DAB1: variants seen among roughly 807,000 people sequenced by gnomAD.
The protein encoded by DAB1 is disabled homolog 1.
DAB1 carries 15 observed loss-of-function variants against 64.6 expected under a neutral mutation model. That is an observed-to-expected ratio of 0.23 (90% CI 0.16 to 0.36). The LOEUF (loss-of-function observed/expected upper bound fraction) is 0.36. DAB1 is among the 10% of genes least tolerant of loss of function. DAB1 has a pLI of 1.00. For missense variants in DAB1, 596 were observed against 706.7 expected, an observed-to-expected ratio of 0.84 and a Z score of 1.78; for synonymous variants, 235 against 251.9, an observed-to-expected ratio of 0.93 and a Z score of 0.64.
At chr1:57,869,323 TG>T (rs1654436511) in intron 1 of DAB1, among the ~76,000 whole-genome samples, 1 of 152,120 alleles carries the variant, frequency 6.6e-6, no homozygotes, top group South Asian at 2.1e-4. Flanking sequence ...CACTTTGGAA[TG>T]GAAGTTTCCT....
chr1:57,257,415 T>G (rs535266303), intron 2 of DAB1, among the ~76,000 whole-genome samples: 1 of 152,212 alleles, frequency 6.6e-6, no homozygotes, highest in Non-Finnish European at 1.5e-5. Flanking sequence ...TTTGTAAGTA[T>G]CTATGGTGGA....
chr1:58,473,324 C>T (rs338233), intron 3 of DAB1, among the ~76,000 whole-genome samples: 151,055 of 151,580 alleles, frequency 1, 75,273 homozygotes, highest in Middle Eastern at 1. Flanking sequence ...GGGTGGATCA[C>T]GAGGTCAGGA....
chr1:58,246,047 G>A (rs1660512989), intron 4 of DAB1, among the ~76,000 whole-genome samples: 1 of 152,124 alleles, frequency 6.6e-6, no homozygotes, highest in Admixed American at 6.5e-5. Context: ...TAGGTGGGGT[G>A]GGGGAAGGGG....
intron 4 of DAB1, among the ~76,000 whole-genome samples, chr1:57,122,333 T>C (rs957152388): frequency 6.6e-6 from 1 of 152,188 alleles, no homozygotes; most frequent in Non-Finnish European, 1.5e-5. Flanking sequence ...TTTTTACAGA[T>C]GAGAGTGTCA....
At chr1:57,227,278 T>C (rs1330928914) in intron 2 of DAB1, among the ~76,000 whole-genome samples, 2 of 152,170 alleles carry the variant, frequency 1.3e-5, no homozygotes, top group Non-Finnish European at 2.9e-5. Flanking sequence ...CATGAATTCA[T>C]TCAACAAATA....
intron 2 of DAB1, among the ~76,000 whole-genome samples, chr1:57,176,322 T>C (rs1439950423): frequency 1.3e-5 from 2 of 152,150 alleles, no homozygotes; most frequent in Non-Finnish European, 2.9e-5. Context: ...ACAGTCATGA[T>C]GGAAGGTGGA....
intron 9 of DAB1, among the ~76,000 whole-genome samples, chr1:57,030,044 CA>C (rs1469897372): frequency 5.3e-5 from 8 of 152,148 alleles, no homozygotes; most frequent in Non-Finnish European, 8.8e-5. Flanking sequence ...ACCCAAATCT[CA>C]ACTTGAATTT....
At chr1:57,736,423 G>A (rs1012644268) in intron 6 of DAB1, among the ~76,000 whole-genome samples, 4 of 152,138 alleles carry the variant, frequency 2.6e-5, no homozygotes, top group East Asian at 3.9e-4. Context: ...AGGAGACACC[G>A]AATGTTCATA....
At chr1:58,051,190 C>T (rs1441862719) in intron 5 of DAB1, among the ~76,000 whole-genome samples, 1 of 151,960 alleles carries the variant, frequency 6.6e-6, no homozygotes, top group African/African-American at 2.4e-5. Flanking sequence ...TAATGCTATT[C>T]CTCCCCCAGC....
At chr1:58,093,967 T>G (rs1650835939) in intron 5 of DAB1, among the ~76,000 whole-genome samples, 1 of 152,152 alleles carries the variant, frequency 6.6e-6, no homozygotes, top group African/African-American at 2.4e-5. Context: ...TCCAGGCTCC[T>G]GCATTATTAG....
At chr1:57,110,428 T>C (rs1655552596) in intron 4 of DAB1, among the ~76,000 whole-genome samples, 1 of 152,224 alleles carries the variant, frequency 6.6e-6, no homozygotes, top group Non-Finnish European at 1.5e-5. Context: ...CTCTTTAACA[T>C]CTGTTGGCCT....
chr1:57,502,886 AC>A (rs1379773663), intron 7 of DAB1, among the ~76,000 whole-genome samples: 1 of 152,214 alleles, frequency 6.6e-6, no homozygotes, highest in African/African-American at 2.4e-5. Context: ...AAAAAATAAA[AC>A]CCTGGAAATT....
intron 4 of DAB1, among the ~76,000 whole-genome samples, chr1:57,122,642 G>C (rs920417789): frequency 1.3e-5 from 2 of 152,112 alleles, no homozygotes; most frequent in Non-Finnish European, 2.9e-5. Context: ...GAGCTATCCT[G>C]AAAGAGGCTA....
At chr1:57,028,487 A>G (rs1646862690) in intron 9 of DAB1, among the ~76,000 whole-genome samples, 1 of 152,236 alleles carries the variant, frequency 6.6e-6, no homozygotes, top group Non-Finnish European at 1.5e-5. Context: ...ATACCCAAAA[A>G]TGTGGAAGCA....
At chr1:57,489,866 T>A (rs1408627163) in intron 7 of DAB1, among the ~76,000 whole-genome samples, 1 of 152,200 alleles carries the variant, frequency 6.6e-6, no homozygotes, top group East Asian at 1.9e-4. Flanking sequence ...AATGCTAATG[T>A]CTGAATGTTT....
intron 5 of DAB1, among the ~76,000 whole-genome samples, chr1:58,038,384 T>C (rs1647079819): frequency 6.6e-6 from 1 of 151,610 alleles, no homozygotes; most frequent in Non-Finnish European, 1.5e-5. Context: ...AACGTACAGA[T>C]CACCTTGTTA....
intron 5 of DAB1, among the ~76,000 whole-genome samples, chr1:58,053,310 A>G (rs1647821092): frequency 6.6e-6 from 1 of 152,160 alleles, no homozygotes; most frequent in African/African-American, 2.4e-5. Flanking sequence ...TGATGTCTGG[A>G]AAGGTTCAAT....
chr1:58,213,978 T>C (rs1284248102), intron 4 of DAB1, among the ~76,000 whole-genome samples: 2 of 152,200 alleles, frequency 1.3e-5, no homozygotes, highest in East Asian at 1.9e-4. Context: ...TGCCTGAGTC[T>C]TGTGCCCACT....
At chr1:57,695,289 GGAGAGAGAAGGAAAGAAAGA>G (rs1646812908) in intron 6 of DAB1, among the ~76,000 whole-genome samples, 1 of 65,640 alleles carries the variant, frequency 1.5e-5, no homozygotes, top group African/African-American at 6.1e-5. Flanking sequence ...AGGAAGAAAG[GGAGAGAGAAGGAAAGAAAGA>G]AAGAAAGAAA....
Sources: allele counts gnomAD v4.1 joint callset (sites outside exome capture counted in the v4.1 genomes callset), GRCh38; gene constraint gnomAD v4.1.1; transcripts MANE v1.5; gene names NCBI Gene and HGNC (gene_info 2026-07-23, HGNC 2026-07-21).